The following PTDSS2 variants were observed in gnomAD, a reference collection of about 807,000 sequenced individuals.
The protein encoded by PTDSS2 is phosphatidylserine synthase 2.
In PTDSS2, 41 loss-of-function variants were observed where a neutral mutation model predicts 64.7. The observed-to-expected ratio is 0.63, with a 90% CI of 0.49 to 0.82. The LOEUF (loss-of-function observed/expected upper bound fraction) is 0.82, where lower values mean the gene tolerates loss of function less well. PTDSS2 is among the 40% of genes least tolerant of loss of function. The probability of loss-of-function intolerance (pLI) is 0.00; values close to 1 mark genes in which losing one functional copy is unlikely to be tolerated. For synonymous variants in PTDSS2, 297 were observed against 277.8 expected, an observed-to-expected ratio of 1.07 and a Z score of -0.69; for missense variants, 485 against 650.0, an observed-to-expected ratio of 0.75 and a Z score of 2.76.
chr11:452,073 C>CA (rs765729792), intron 1 of PTDSS2, among the ~76,000 whole-genome samples: 34 of 152,158 alleles, frequency 2.2e-4, no homozygotes, highest in Non-Finnish European at 5.0e-4. Context: ...GGTCCTGGAG[C>CA]AAGGAGACCA....
rs1379629992 is a variant in PTDSS2 at position 462,652 on chromosome 11, C to T, written c.284+2364C>T. 6.6e-6 allele frequency among the ~76,000 whole-genome samples: 1 copy of T among 152,120 alleles called. No homozygotes were observed. The highest frequency in any genetic ancestry group is 1.9e-4 in the East Asian group (1 of 5,174). ...TTGCCGTGGTGCACCTGTCCTGAGT[C>T]CATTCTCATGGCCTGGACCCGCACT... On this transcript the variant is annotated intron_variant, in intron 2 of 11. Coordinates refer to ENST00000308020, the MANE Select transcript of PTDSS2 (RefSeq NM_030783.3). The surrounding 1 kb of genome is among the most constrained non-coding windows in gnomAD (Gnocchi z 4.5).
intron 3 of PTDSS2, among the ~76,000 whole-genome samples, chr11:477,773 G>A (rs926465769): frequency 1.3e-5 from 2 of 152,238 alleles, no homozygotes; most frequent in Non-Finnish European, 2.9e-5. Context: ...AGCCCTTGTG[G>A]GGCGAGGGCT....
intron 1 of PTDSS2, among the ~76,000 whole-genome samples, chr11:457,726 A>G (rs1564961305): frequency 2.0e-5 from 3 of 152,056 alleles, no homozygotes; most frequent in South Asian, 4.1e-4. Context: ...CTGTGTTTTC[A>G]TCTGTCTCAG....
At position 461,550 on chromosome 11, in the gene PTDSS2, T is replaced by G. The variant is rs562552035; in HGVS notation, c.284+1262T>G. 6.4e-4 allele frequency among the ~76,000 whole-genome samples: 97 copies of G among 152,194 alleles called. 1 individual carries two copies. Among genetic ancestry groups the G allele is most frequent in the African/African-American group, 2.2e-3 (90 of 41,536 alleles). On this transcript the variant is annotated intron_variant, in intron 2 of 11. Transcript: ENST00000308020. This position sits in a 1 kb window ranked among gnomAD's most constrained non-coding sequence, Gnocchi z 4.2. ...GCGCAGGTGGCCTCTCCTGTCCTGG[T>G]CTCCCTACCCTGCTCCTGGCTGCAT...
intron 3 of PTDSS2, among the ~76,000 whole-genome samples, chr11:475,198 TG>T (rs1847710099): frequency 1.0e-5 from 1 of 95,322 alleles, no homozygotes; most frequent in African/African-American, 4.5e-5. Flanking sequence ...GTTTATGATA[TG>T]GACATAATCA....
chr11:478,967 C>A (rs1209530535), intron 3 of PTDSS2, 118 bp from the exon 4 acceptor site: 6 of 737,360 alleles, frequency 8.1e-6, no homozygotes, highest in Non-Finnish European at 1.4e-5. Flanking sequence ...CTCCCAGGGG[C>A]CTGTGAAGGG....
At position 476,925 on chromosome 11, in the gene PTDSS2, G is replaced by A. The variant is rs748524459; in HGVS notation, c.368-2160G>A. On this transcript the variant is annotated intron_variant, in intron 3 of 11. Coordinates refer to ENST00000308020, the MANE Select transcript of PTDSS2 (RefSeq NM_030783.3). The surrounding 1 kb of genome is among the most constrained non-coding windows in gnomAD (Gnocchi z 4.9). ...GGAGCCACCTTCTTCCACGCGTCTT[G>A]TTAACTTGGGGGCCGGCAGGGAGCC... Among the ~76,000 whole-genome samples, 10 of 152,164 alleles carry A rather than the reference G, an allele frequency of 6.6e-5. No homozygotes were observed. The highest frequency in any genetic ancestry group is 1.5e-4 in the Non-Finnish European group (10 of 68,024).
At chr11:452,548 G>A (rs903577993) in intron 1 of PTDSS2, among the ~76,000 whole-genome samples, 8 of 152,252 alleles carry the variant, frequency 5.3e-5, no homozygotes, top group Admixed American at 2.6e-4. Context: ...GAGGCCAAGG[G>A]GGTCAGGAGG....
intron 1 of PTDSS2, among the ~76,000 whole-genome samples, chr11:455,197 A>G (rs575489688): frequency 6.6e-6 from 1 of 152,316 alleles, no homozygotes; most frequent in Admixed American, 6.5e-5. Context: ...CCCATTCTGC[A>G]TGTGAGCAGG....
chr11:489,274 C>T, intron 8 of PTDSS2, 126 bp from the exon 9 acceptor site: 1 of 757,062 alleles, frequency 1.3e-6, no homozygotes, highest in Admixed American at 2.3e-5. Flanking sequence ...GGCGGGGTGA[C>T]CAAGAGCAGA....
intron 2 of PTDSS2, among the ~76,000 whole-genome samples, chr11:464,904 G>A (rs183243733): frequency 1.3e-5 from 2 of 152,104 alleles, no homozygotes; most frequent in Non-Finnish European, 2.9e-5. Context: ...TATACTCACA[G>A]TGCTGAAGAA....
At chr11:464,318 A>G (rs533420514) in intron 2 of PTDSS2, among the ~76,000 whole-genome samples, 30 of 152,294 alleles carry the variant, frequency 2.0e-4, no homozygotes, top group African/African-American at 7.0e-4. Flanking sequence ...TTATTGACCT[A>G]TAATTTACTA....
intron 4 of PTDSS2, among the ~76,000 whole-genome samples, chr11:481,556 T>C (rs1307082085): frequency 1.3e-5 from 2 of 152,246 alleles, no homozygotes; most frequent in African/African-American, 2.4e-5. Context: ...AGAGTTTAAG[T>C]TTTGTACTTC....
intron 2 of PTDSS2, among the ~76,000 whole-genome samples, chr11:467,740 A>G (rs1285901669): frequency 1.6e-4 from 25 of 151,618 alleles, no homozygotes; most frequent in Admixed American, 1.6e-3. Flanking sequence ...CTCAAAAAAT[A>G]TAGATATAGA....
In PTDSS2 at chr11:479,994, A is replaced by AG. The variant is rs1847996365; in HGVS notation, c.435+843dup. On this transcript the variant is annotated intron_variant, in intron 4 of 11. Coordinates refer to ENST00000308020, the MANE Select transcript of PTDSS2 (RefSeq NM_030783.3). This position sits in a 1 kb window ranked among gnomAD's most constrained non-coding sequence, Gnocchi z 4.2. ...ATTCTGTGAATTTTAGCATTTGTGT[A>AG]GACTTCTAGAAACACAATTAGGACG... The AG allele has an allele frequency of 6.6e-6, 1 of 152,354 alleles. No homozygotes were observed. The highest frequency in any genetic ancestry group is 1.5e-5 in the Non-Finnish European group (1 of 68,132). 9.4% of individuals were successfully genotyped at this position (152,354 alleles called of 1,614,324 possible). A position where few individuals can be genotyped will look rare whatever the true frequency, so the allele number is the denominator to read the frequency against.
At chr11:472,740 T>C (rs1847529862) in intron 2 of PTDSS2, among the ~76,000 whole-genome samples, 1 of 152,178 alleles carries the variant, frequency 6.6e-6, no homozygotes, top group African/African-American at 2.4e-5. Flanking sequence ...CTGAAGTTGT[T>C]ACTGGGTATT....
At chr11:481,310 T>C (rs543912284) in intron 4 of PTDSS2, among the ~76,000 whole-genome samples, 1 of 152,312 alleles carries the variant, frequency 6.6e-6, no homozygotes, top group South Asian at 2.1e-4. Context: ...TTGTTCTTTT[T>C]CAAGATGGTT....
At chr11:466,257 A>G (rs866619073) in intron 2 of PTDSS2, among the ~76,000 whole-genome samples, 1 of 152,172 alleles carries the variant, frequency 6.6e-6, no homozygotes, top group Admixed American at 6.5e-5. Context: ...TACAAAAGAA[A>G]GAGGTTCATC....
rs924772717 is a variant in PTDSS2, at chr11:461,775, C to T, written c.284+1487C>T. On this transcript the variant is annotated intron_variant, in intron 2 of 11. Transcript: ENST00000308020. This position sits in a 1 kb window ranked among gnomAD's most constrained non-coding sequence, Gnocchi z 4.2. Reference sequence around the variant, plus strand: ...GGGTCACGTGCAGAACCTGCAGGCCCGGTGTGCACTGTGTAACTAGGCTCC... The same window carrying T: ...GGGTCACGTGCAGAACCTGCAGGCCTGGTGTGCACTGTGTAACTAGGCTCC... Among the ~76,000 whole-genome samples the T allele has an allele frequency of 1.3e-5, 2 of 152,296 alleles. No homozygotes were observed. The highest frequency in any genetic ancestry group is 1.9e-4 in the East Asian group (1 of 5,182).
Sources: gnomAD v4.1 joint callset for allele counts (sites outside exome capture counted in the v4.1 genomes callset) on GRCh38, gnomAD v4.1.1 for gene constraint, Gnocchi (gnomAD v3.1) non-coding constraint, MANE v1.5 for transcripts, NCBI Gene and HGNC (gene_info 2026-07-23, HGNC 2026-07-21) for gene names.